Variants in A2ML1 observed in about 807,000 individuals in gnomAD.
The protein encoded by A2ML1 is alpha-2-macroglobulin-like protein 1.
In A2ML1, 161 loss-of-function variants were observed where a neutral mutation model predicts 181.9. That is an observed-to-expected ratio of 0.89 (90% CI 0.78 to 1.01). The LOEUF is 1.01. A2ML1 is among the 50% of genes least tolerant of loss of function. The pLI, the probability that A2ML1 is intolerant of heterozygous loss-of-function variation, is 0.00. For synonymous variants in A2ML1, 663 were observed against 666.8 expected (o/e 0.99, Z 0.09); for missense variants, 1,670 against 1,768.1 (o/e 0.94, Z 1.00).
At position 8,825,261 on chromosome 12, in the gene A2ML1, T is replaced by C. The variant is rs775281663; in HGVS notation, c.409+1379T>C. ...TCCACATCCTCACCAGCATTTATTA[T>C]TGTTTGTCTTTTGGAAAAAAGCCAT... On this transcript the variant is annotated intron_variant, in intron 3 of 35. Coordinates refer to ENST00000299698, the MANE Select transcript of A2ML1 (RefSeq NM_144670.6). Among the ~76,000 whole-genome samples, 5 of 152,364 alleles carry C rather than the reference T, an allele frequency of 3.3e-5. No individual in the cohort carries two copies. The South Asian group carries it at 1.0e-3, about 32-fold the overall frequency.
At chr12:8,856,245 C>G (rs775468175) in intron 23 of A2ML1, among the ~76,000 whole-genome samples, 4 of 152,160 alleles carry the variant, frequency 2.6e-5, no homozygotes, top group Non-Finnish European at 5.9e-5. Context: ...AGATCCTTTG[C>G]AGTCACAGTG....
intron 23 of A2ML1, among the ~76,000 whole-genome samples, chr12:8,855,829 G>A (rs970356051): frequency 6.6e-6 from 1 of 152,158 alleles, no homozygotes; most frequent in African/African-American, 2.4e-5. Context: ...AGGTAAGGTC[G>A]CTGATGCTTG....
Position 8,861,880 on chromosome 12 carries a change from C to T in A2ML1, c.3502+583C>T, listed in dbSNP as rs1944279060. ...GATCAAGCAACTCTCCTGCCTCAGC[C>T]TCCCGAGTAGATGGGATTACAGGTG... On this transcript the variant is annotated intron_variant, in intron 28 of 35. Coordinates refer to ENST00000299698, the MANE Select transcript of A2ML1 (RefSeq NM_144670.6). 3.9e-5 allele frequency among the ~76,000 whole-genome samples: 6 copies of T among 152,144 alleles called. No individual in the cohort carries two copies. The South Asian group carries it at 1.2e-3, about 32-fold the overall frequency.
At chr12:8,840,858 G>A (rs1010864740) in intron 10 of A2ML1, among the ~76,000 whole-genome samples, 13 of 151,114 alleles carry the variant, frequency 8.6e-5, no homozygotes, top group Admixed American at 1.3e-4. Context: ...AGTGAGCTGA[G>A]CTCGTCCCAC....
chr12:8,868,551 G>T lies in A2ML1; in HGVS notation c.4076G>T (p.Arg1359Leu). 1 of 1,613,904 alleles carries T rather than the reference G, an allele frequency of 6.2e-7. No homozygotes were observed. Among genetic ancestry groups the T allele is most frequent in the Non-Finnish European group, 8.5e-7 (1 of 1,179,972 alleles). ...LTIHTSYVGS[R>L]SSSNMAIVEV... ...CCTGCTCTCAGTTATGTGGGGAGCC[G>T]TAGCTCTTCCAATATGGCTATTGTG... Residue 1359 changes from arginine (R) to leucine (L), a missense_variant, in exon 32 of 36, where the codon CGT becomes CTT. By Grantham distance (102) the Arg-to-Leu change is moderately radical. Transcript: ENST00000299698.
intron 29 of A2ML1, among the ~76,000 whole-genome samples, chr12:8,866,166 A>G (rs1258142873): frequency 6.6e-6 from 1 of 152,104 alleles, no homozygotes; most frequent in Non-Finnish European, 1.5e-5. Context: ...TTAGCCGGGC[A>G]CAGTGGTGGG....
intron 28 of A2ML1, among the ~76,000 whole-genome samples, chr12:8,862,408 GC>G (rs1255492421): frequency 2.0e-5 from 3 of 151,774 alleles, no homozygotes; most frequent in Non-Finnish European, 2.9e-5. Context: ...CACCATGTTG[GC>G]CAGGCTGGTC....
intron 26 of A2ML1, among the ~76,000 whole-genome samples, chr12:8,859,892 G>C (rs1944196777): frequency 6.6e-6 from 1 of 152,030 alleles, no homozygotes; most frequent in Non-Finnish European, 1.5e-5. Flanking sequence ...TTGAGAGCAG[G>C]CCAGTCCATT....
intron 29 of A2ML1, among the ~76,000 whole-genome samples, chr12:8,865,525 G>A (rs1351891257): frequency 5.9e-5 from 9 of 152,064 alleles, no homozygotes; most frequent in Non-Finnish European, 1.3e-4. Context: ...GGCAACAAGA[G>A]TTAAAACTCC....
In A2ML1 at chr12:8,869,117, T is replaced by C. The variant is rs372695008; in HGVS notation, c.4153-18T>C. 3.7e-5 allele frequency: 59 copies of C among 1,613,716 alleles called. No individual in the cohort carries two copies. Among genetic ancestry groups the C allele is most frequent in the Middle Eastern group, 1.6e-4 (1 of 6,076 alleles). On this transcript the variant is annotated intron_variant, in intron 32 of 35. Transcript: ENST00000299698. ...GCTCTGGCTCTTAGTATCTTTTTTT[T>C]CTCCCTCTCTTATTCAGCTTCTCCA...
At chr12:8,869,369 C>T (rs773064141) in intron 33 of A2ML1, among the ~76,000 whole-genome samples, 166 bp downstream of exon 33, 7 of 152,076 alleles carry the variant, frequency 4.6e-5, no homozygotes, top group Non-Finnish European at 8.8e-5. Flanking sequence ...CGTAAAACAC[C>T]CCATTGTGCC....
rs1944810403 is a variant in A2ML1 at position 8,876,713 on chromosome 12, G to A, written c.*657G>A. On this transcript the variant is annotated 3_prime_UTR_variant, in exon 36 of 36. Coordinates refer to ENST00000299698, the MANE Select transcript of A2ML1 (RefSeq NM_144670.6). ...ATAATAATAATAATGTTTTTCTAGA[G>A]TTTCAGTCTAAGGGAAAATGTGATT... The A allele has an allele frequency of 6.6e-6, 1 of 151,976 alleles. No homozygotes were observed. 9.4% of individuals were successfully genotyped at this position (151,976 alleles called of 1,614,324 possible). A position where few individuals can be genotyped will look rare whatever the true frequency, so the allele number is the denominator to read the frequency against.
rs767952653 is a variant in A2ML1, at chr12:8,861,085, A to G, written c.3340-50A>G. The G allele has an allele frequency of 3.7e-6, 6 of 1,609,130 alleles. No homozygotes were observed. The East Asian group carries it at 1.3e-4, about 36-fold the overall frequency. ...TAAGATGATTTCCTGATTACTTGCC[A>G]TTTTTAAAGGAATGCCTTATAAGTT... On this transcript the variant is annotated intron_variant, in intron 27 of 35. Coordinates refer to ENST00000299698, the MANE Select transcript of A2ML1 (RefSeq NM_144670.6).
intron 4 of A2ML1, 26 bp downstream of exon 4, chr12:8,829,805 G>A (rs368751498): frequency 6.2e-7 from 1 of 1,613,562 alleles, no homozygotes; most frequent in African/African-American, 1.3e-5. Flanking sequence ...GAGAAGGAGT[G>A]GCGCAGGGAG....
chr12:8,882,608 C>A (rs1224548130), intron 7 of A2ML1, among the ~76,000 whole-genome samples: 1 of 152,096 alleles, frequency 6.6e-6, no homozygotes, highest in African/African-American at 2.4e-5. Context: ...ATTCTCTATA[C>A]ACAAGGCTGC....
chr12:8,833,995 C>T (rs1592109310), intron 4 of A2ML1, among the ~76,000 whole-genome samples: 1 of 152,000 alleles, frequency 6.6e-6, no homozygotes, highest in African/African-American at 2.4e-5. Context: ...CAAGTTAGAT[C>T]CAAACTGGTC....
chr12:8,849,713 A>G lies in A2ML1; in HGVS notation c.2073A>G (p.Pro691=), dbSNP rs1161740595. The part of the protein sequence containing the change: ...KILSNAKIKK[P]VDCSHRSPEY... ...TGTCCAATGCCAAAATCAAGAAGCC[A>G]GTAGATTGCAGTCACAGATCTCCAG... Residue 691 remains proline (P), a synonymous_variant, in exon 17 of 36, where the codon CCA becomes CCG. Transcript: ENST00000299698. The G allele has an allele frequency of 6.2e-7, 1 of 1,614,106 alleles. No individual in the cohort carries two copies. The highest frequency in any genetic ancestry group is 1.3e-5 in the African/African-American group (1 of 74,950).
intron 34 of A2ML1, 43 bp from the exon 35 acceptor site, chr12:8,874,928 A>G: frequency 6.2e-7 from 1 of 1,601,598 alleles, no homozygotes; most frequent in Non-Finnish European, 8.6e-7. Context: ...CTCTGAATAT[A>G]GGAGGCCCTC....
At chr12:8,830,392 T>C (rs1010246646) in intron 4 of A2ML1, among the ~76,000 whole-genome samples, 9 of 134,648 alleles carry the variant, frequency 6.7e-5, no homozygotes, top group African/African-American at 2.4e-4. Flanking sequence ...CAAGACCTTT[T>C]CTTCAGGACT....
Sources: gnomAD v4.1 joint callset for allele counts (sites outside exome capture counted in the v4.1 genomes callset) on GRCh38, gnomAD v4.1.1 for gene constraint, MANE v1.5 for transcripts, NCBI Gene and HGNC (gene_info 2026-07-23, HGNC 2026-07-21) for gene names.